PTCH1: variants seen among roughly 807,000 people sequenced by gnomAD.
PTCH1 encodes the protein protein patched homolog 1.
PTCH1 carries 14 observed loss-of-function variants against 144.6 expected under a neutral mutation model. That is an observed-to-expected ratio of 0.10 (90% CI 0.06 to 0.15). The LOEUF is 0.15. PTCH1 is among the 10% of genes least tolerant of loss of function. PTCH1 has a pLI of 1.00. For missense variants in PTCH1, 1,623 were observed against 1,948.3 expected, an observed-to-expected ratio of 0.83 and a Z score of 3.14; for synonymous variants, 833 against 793.6, an observed-to-expected ratio of 1.05 and a Z score of -0.83.
chr9:95,449,039 C>G lies in PTCH1; in HGVS notation c.3804+30G>C. The G allele has an allele frequency of 1.2e-6, 2 of 1,612,886 alleles. No individual in the cohort carries two copies. Among genetic ancestry groups the G allele is most frequent in the Non-Finnish European group, 1.7e-6 (2 of 1,178,982 alleles). On this transcript the variant is annotated intron_variant, in intron 22 of 23. Transcript: ENST00000331920. This position sits in a 1 kb window ranked among gnomAD's most constrained non-coding sequence, Gnocchi z 5.3. ...AGGCCCACTACCACGGTGGGAAGAC[C>G]CCTCCCCCTGGTTCTGCAGAGTCAC...
Position 95,506,643 on chromosome 9 carries a change from G to C in PTCH1, c.202-44C>G. On this transcript the variant is annotated intron_variant, in intron 1 of 23. Coordinates refer to ENST00000331920, the MANE Select transcript of PTCH1 (RefSeq NM_000264.5). ...GGAGGAGTGAGCGCCGGGGAGTCGC[G>C]GCCCGCGCGCCCACGCCCGCTTGCG... 2.1e-6 allele frequency: 3 copies of C among 1,429,262 alleles called. No individual in the cohort carries two copies. In the East Asian group the frequency reaches 8.0e-5, roughly 38 times the overall value. The allele number at this position is 1,429,262 out of a possible 1,614,324, so 88.5% of individuals were successfully genotyped here.
intron 12 of PTCH1, 98 bp downstream of exon 12, chr9:95,475,936 T>C (rs1309433424): frequency 1.3e-6 from 2 of 1,557,488 alleles, no homozygotes; most frequent in Admixed American, 1.7e-5. Flanking sequence ...TTTCACTTCA[T>C]AAGTAACTGA....
chr9:95,505,312 C>T (rs1440037344), intron 2 of PTCH1, among the ~76,000 whole-genome samples: 1 of 152,200 alleles, frequency 6.6e-6, no homozygotes, highest in Non-Finnish European at 1.5e-5. Flanking sequence ...TTTGAATTAT[C>T]TACCTAGTCA....
chr9:95,483,069 G>A (rs1427310285), intron 3 of PTCH1: 1 of 152,030 alleles, frequency 6.6e-6, no homozygotes, highest in Non-Finnish European at 1.5e-5. Flanking sequence ...CTGCCCTCCA[G>A]CCTGGGTGAC....
intron 3 of PTCH1, among the ~76,000 whole-genome samples, chr9:95,484,706 C>A (rs955079828): frequency 6.6e-6 from 1 of 152,084 alleles, no homozygotes; most frequent in African/African-American, 2.4e-5. Flanking sequence ...TTTAGTGATG[C>A]CAACCTCAAA....
At position 95,481,949 on chromosome 9, in the gene PTCH1, A is replaced by C; in HGVS notation, c.746T>G (p.Leu249Arg). Residue 249 changes from leucine to arginine, a missense_variant and splice_region_variant, in exon 5 of 24, where the codon CTA (leucine) becomes CGA (arginine). Transcript: ENST00000331920. ...TCAGAAAGCATGATCACACACTTAC[A>C]GGAGGTATGCTGTCCCAGACTGTAA... ...AKLQSGTAYL[L>R]GKPPLRWTNF... The C allele has an allele frequency of 6.2e-7, 1 of 1,605,320 alleles. No individual in the cohort carries two copies.
Position 95,446,997 on chromosome 9 carries a change from C to T in PTCH1, c.4259G>A (p.Cys1420Tyr), listed in dbSNP as rs913816675. 3 of 1,614,226 alleles carry T rather than the reference C, an allele frequency of 1.9e-6. No homozygotes were observed. In the African/African-American group the frequency reaches 4.0e-5, roughly 22 times the overall value. The change falls in exon 23 of 24, where the codon TGT becomes TAT. Residue 1420 changes from cysteine to tyrosine, a missense_variant. By Grantham distance (194) the Cys-to-Tyr change is radical. Transcript: ENST00000331920. Reference protein sequence around the residue: ...EDPHVPFHVRCERRDSKVEVI... With the variant: ...EDPHVPFHVRYERRDSKVEVI... ...TTCCACCTTCGAATCCCTCCTCTCACACCGGACGTGGAAAGGCACGTGGGG... is the reference window on the plus strand; with the variant it reads ...TTCCACCTTCGAATCCCTCCTCTCATACCGGACGTGGAAAGGCACGTGGGG...
chr9:95,490,271 G>A (rs759978736), intron 2 of PTCH1, among the ~76,000 whole-genome samples: 5 of 151,608 alleles, frequency 3.3e-5, no homozygotes, highest in African/African-American at 9.7e-5. Flanking sequence ...GCCAGGAGTC[G>A]AGACCAGCCT....
intron 1 of PTCH1, 167 bp downstream of exon 1, chr9:95,507,994 T>C: frequency 1.3e-6 from 2 of 1,512,870 alleles, no homozygotes. Context: ...AGGGTTTGAA[T>C]TTTTCAATCC....
chr9:95,490,407 G>A (rs1842300622), intron 2 of PTCH1, among the ~76,000 whole-genome samples: 1 of 151,968 alleles, frequency 6.6e-6, no homozygotes, highest in Admixed American at 6.6e-5. Context: ...CTTGAGCCCA[G>A]GAGTTGGGGG....
At chr9:95,462,957 C>A (rs560008074) in intron 15 of PTCH1, among the ~76,000 whole-genome samples, 4 of 152,152 alleles carry the variant, frequency 2.6e-5, no homozygotes, top group Admixed American at 2.6e-4. Context: ...AGGGTCTGAG[C>A]GCTGGCTGGT....
chr9:95,506,832 C>A, intron 1 of PTCH1: 1 of 1,176,804 alleles, frequency 8.5e-7, no homozygotes, highest in South Asian at 3.9e-5. Context: ...ATCAGGGCGC[C>A]CCCACCCGCG....
At chr9:95,469,759 C>A in intron 13 of PTCH1, 54 bp downstream of exon 13, 1 of 1,490,622 alleles carries the variant, frequency 6.7e-7, no homozygotes, top group Non-Finnish European at 9.4e-7. Flanking sequence ...AAAGAGTTCT[C>A]TCACAGCACC....
At chr9:95,506,177 T>G (rs2118867501) in intron 2 of PTCH1, 6 of 297,732 alleles carry the variant, frequency 2.0e-5, no homozygotes, top group Non-Finnish European at 2.4e-5. Flanking sequence ...CCCCCGCCGC[T>G]CTCTCCCACC....
intron 16 of PTCH1, among the ~76,000 whole-genome samples, chr9:95,461,580 C>G (rs1374312199): frequency 2.0e-5 from 3 of 152,244 alleles, no homozygotes; most frequent in Non-Finnish European, 4.4e-5. Flanking sequence ...CCTGCACTCT[C>G]TTGGCTGCAC....
intron 1 of PTCH1, chr9:95,514,541 C>A (rs1239367070): frequency 6.6e-6 from 1 of 152,090 alleles, no homozygotes; most frequent in Non-Finnish European, 1.5e-5. Flanking sequence ...TTCTTTCATA[C>A]TGCTAATCCG....
At chr9:95,465,315 A>C (rs533108948) in intron 15 of PTCH1, among the ~76,000 whole-genome samples, 2 of 152,174 alleles carry the variant, frequency 1.3e-5, no homozygotes, top group Admixed American at 1.3e-4. Context: ...CTGGCAGGGC[A>C]CAGCAGATCT....
chr9:95,484,951 A>AC (rs2118524392), intron 3 of PTCH1, among the ~76,000 whole-genome samples: 1 of 152,250 alleles, frequency 6.6e-6, no homozygotes, highest in South Asian at 2.1e-4. Context: ...CACGCTTGTA[A>AC]CCCCAGCACT....
intron 1 of PTCH1, 88 bp downstream of exon 1, chr9:95,508,073 G>A (rs1457084477): frequency 2.5e-6 from 4 of 1,585,356 alleles, no homozygotes; most frequent in Non-Finnish European, 2.6e-6. Context: ...GAGAGAGGAA[G>A]AGAGTGTGTG....
Sources: allele counts gnomAD v4.1 joint callset (sites outside exome capture counted in the v4.1 genomes callset), GRCh38; gene constraint gnomAD v4.1.1; non-coding constraint Gnocchi (gnomAD v3.1); transcripts MANE v1.5; gene names NCBI Gene and HGNC (gene_info 2026-07-23, HGNC 2026-07-21).